Variants in E2F2 observed in about 807,000 individuals in gnomAD.
E2F2 encodes transcription factor E2F2.
A neutral mutation model predicts 42.2 loss-of-function variants in E2F2; 22 were observed. The observed-to-expected ratio is 0.52, with a 90% CI of 0.37 to 0.74. The LOEUF is 0.74. Among genes scored for constraint, E2F2 ranks in the 30% least tolerant of loss-of-function variants. The pLI, the probability that E2F2 is intolerant of heterozygous loss-of-function variation, is 0.00. For synonymous variants in E2F2, 248 were observed against 251.6 expected (o/e 0.99, Z 0.13); for missense variants, 481 against 557.8 (o/e 0.86, Z 1.39).
At chr1:23,515,379 A>G (rs570226104) in intron 6 of E2F2, among the ~76,000 whole-genome samples, 1 of 152,136 alleles carries the variant, frequency 6.6e-6, no homozygotes, top group African/African-American at 2.4e-5. Flanking sequence ...CATACCGTCC[A>G]CCTCCCAGCC....
At chr1:23,528,009 T>C (rs1643278567) in intron 1 of E2F2, among the ~76,000 whole-genome samples, 1 of 152,096 alleles carries the variant, frequency 6.6e-6, no homozygotes, top group Non-Finnish European at 1.5e-5. Context: ...TCCCAGCTAC[T>C]TGGGAGGCTG....
chr1:23,523,584 G>A (rs1643193746), intron 2 of E2F2, among the ~76,000 whole-genome samples: 1 of 152,192 alleles, frequency 6.6e-6, no homozygotes, highest in South Asian at 2.1e-4. Flanking sequence ...ATTAATCTGT[G>A]CTTCCCTTCC....
At chr1:23,517,140 C>G (rs1249595400) in intron 5 of E2F2, among the ~76,000 whole-genome samples, 1 of 152,136 alleles carries the variant, frequency 6.6e-6, no homozygotes, top group Non-Finnish European at 1.5e-5. Flanking sequence ...TCTGAATCTC[C>G]CCCAGGACTT....
chr1:23,528,285 G>A (rs185858459), intron 1 of E2F2, among the ~76,000 whole-genome samples: 26 of 152,312 alleles, frequency 1.7e-4, no homozygotes, highest in Middle Eastern at 6.8e-3. Context: ...AGTGCCTGAG[G>A]TCCCTTTAAA....
At chr1:23,518,171 A>T (rs187891020) in intron 5 of E2F2, among the ~76,000 whole-genome samples, 12 of 151,700 alleles carry the variant, frequency 7.9e-5, no homozygotes, top group Admixed American at 2.6e-4. Context: ...ACGCTGTCTT[A>T]AAAAAAATCA....
intron 6 of E2F2, among the ~76,000 whole-genome samples, chr1:23,514,236 C>A (rs372527284): frequency 6.6e-6 from 1 of 152,064 alleles, no homozygotes; most frequent in Admixed American, 6.6e-5. Context: ...GAGGGCTATG[C>A]GCATGCTGAC....
In E2F2 at chr1:23,509,834, G is replaced by A; in HGVS notation, c.*46C>T. The A allele has an allele frequency of 6.6e-7, 1 of 1,509,528 alleles. No individual in the cohort carries two copies. The highest frequency in any genetic ancestry group is 2.3e-5 in the East Asian group (1 of 42,598). The allele number at this position is 1,509,528 out of a possible 1,614,324, so 93.5% of individuals were successfully genotyped here. ...GCAGAGGGGCTGTCAGCCTGTCTGTGAGGAGGTAGAGTCGGGGGCAGGCTG... is the reference window on the plus strand; with the variant it reads ...GCAGAGGGGCTGTCAGCCTGTCTGTAAGGAGGTAGAGTCGGGGGCAGGCTG... On this transcript the variant is annotated 3_prime_UTR_variant, in exon 7 of 7. Transcript: ENST00000361729.
At chr1:23,514,233 A>G (rs1642970715) in intron 6 of E2F2, among the ~76,000 whole-genome samples, 1 of 152,156 alleles carries the variant, frequency 6.6e-6, no homozygotes, top group Non-Finnish European at 1.5e-5. Context: ...TCGGAGGGCT[A>G]TGCGCATGCT....
At chr1:23,512,998 A>C (rs191518856) in intron 6 of E2F2, among the ~76,000 whole-genome samples, 4 of 152,116 alleles carry the variant, frequency 2.6e-5, no homozygotes, top group African/African-American at 9.6e-5. Context: ...TTTGTAGTAG[A>C]GACGGGGTTT....
At chr1:23,523,566 G>A (rs1413396039) in intron 2 of E2F2, among the ~76,000 whole-genome samples, 1 of 152,092 alleles carries the variant, frequency 6.6e-6, no homozygotes, top group African/African-American at 2.4e-5. Context: ...TGGGGTGGCA[G>A]AGACTGGATT....
At chr1:23,524,121 G>T (rs1232421016) in intron 2 of E2F2, among the ~76,000 whole-genome samples, 2 of 147,412 alleles carry the variant, frequency 1.4e-5, no homozygotes, top group Admixed American at 6.7e-5. Context: ...AAACACAGAA[G>T]TAATGCAAGA....
intron 4 of E2F2, chr1:23,519,373 T>C (rs778788258): frequency 9.7e-6 from 3 of 307,806 alleles, no homozygotes; most frequent in Non-Finnish European, 1.2e-5. Context: ...ATAAAAAATG[T>C]TGCCTTATGT....
chr1:23,517,207 G>T (rs1375748264), intron 5 of E2F2, among the ~76,000 whole-genome samples: 1 of 152,136 alleles, frequency 6.6e-6, no homozygotes, highest in Non-Finnish European at 1.5e-5. Context: ...GTTGGACTTG[G>T]CTTTCTGTTA....
In E2F2 at chr1:23,521,771, TG is replaced by T. The variant is rs3218167; in HGVS notation, c.578+65del. 3,728 of 1,589,780 alleles carry T rather than the reference TG, an allele frequency of 2.3e-3. 66 individuals carry two copies. The African/African-American group carries it at 0.039, about 17-fold the overall frequency. ...CCTGCCACTCACACCCACTGGCTAT[TG>T]CCTCTGGCTCCGCCCACAGCACAAG... On this transcript the variant is annotated intron_variant, in intron 3 of 6. Transcript: ENST00000361729.
intron 6 of E2F2, 82 bp downstream of exon 6, chr1:23,516,253 T>G: frequency 5.8e-6 from 8 of 1,375,326 alleles, no homozygotes; most frequent in South Asian, 1.8e-5. Context: ...AAACAGGAGG[T>G]TTTCAACAAA....
At chr1:23,516,634 A>C in intron 5 of E2F2, 107 bp from the exon 6 acceptor site, 65 of 901,394 alleles carry the variant, frequency 7.2e-5, no homozygotes, top group Non-Finnish European at 9.1e-5. Context: ...GTGCAAGCTC[A>C]AACCCTGGGC....
chr1:23,525,468 A>T (rs1643235921), intron 1 of E2F2, among the ~76,000 whole-genome samples: 2 of 152,194 alleles, frequency 1.3e-5, no homozygotes, highest in Admixed American at 1.3e-4. Context: ...AGTTGGGGGA[A>T]ATGTTACACA....
rs1176543344 is a variant in E2F2, at chr1:23,530,984, A to G, written c.-191T>C. The stretch of plus-strand genomic sequence containing the variant: ...GCCGAGCAGAGAGCAGCGCTTAGAG[A>G]TCGCCGCTTGGAGATCGCCCGGCGG... On this transcript the variant is annotated 5_prime_UTR_variant, in exon 1 of 7. Coordinates refer to ENST00000361729, the MANE Select transcript of E2F2 (RefSeq NM_004091.4). The surrounding 1 kb of genome is among the most constrained non-coding windows in gnomAD (Gnocchi z 4.4). 1 of 606,208 alleles carries G rather than the reference A, an allele frequency of 1.6e-6. No homozygotes were observed. Among genetic ancestry groups the G allele is most frequent in the East Asian group, 3.4e-5 (1 of 29,832 alleles). The allele number at this position is 606,208 out of a possible 1,614,324, so 37.6% of individuals were successfully genotyped here.
At chr1:23,519,708 T>G in intron 4 of E2F2, among the ~76,000 whole-genome samples, 1 of 152,136 alleles carries the variant, frequency 6.6e-6, no homozygotes, top group East Asian at 1.9e-4. Flanking sequence ...GGCGGGTGGA[T>G]AACTTGAGGT....
Sources: allele counts gnomAD v4.1 joint callset (sites outside exome capture counted in the v4.1 genomes callset), GRCh38; gene constraint gnomAD v4.1.1; non-coding constraint Gnocchi (gnomAD v3.1); transcripts MANE v1.5; gene names NCBI Gene and HGNC (gene_info 2026-07-23, HGNC 2026-07-21).